GOLM2: variants seen among roughly 807,000 people sequenced by gnomAD.
GOLM2 encodes protein GOLM2.
In GOLM2, 26 loss-of-function variants were observed where a neutral mutation model predicts 55.9. The observed-to-expected ratio is 0.47, with a 90% CI of 0.34 to 0.65. GOLM2 has a LOEUF of 0.65. GOLM2 is among the 30% of genes least tolerant of loss of function. The pLI is 0.01. For synonymous variants in GOLM2, 165 were observed against 194.6 expected, an observed-to-expected ratio of 0.85 and a Z score of 1.27; for missense variants, 486 against 531.8, an observed-to-expected ratio of 0.91 and a Z score of 0.85.
At chr15:44,372,477 G>A (rs541765379) in intron 6 of GOLM2, among the ~76,000 whole-genome samples, 1 of 152,354 alleles carries the variant, frequency 6.6e-6, no homozygotes, top group African/African-American at 2.4e-5. Flanking sequence ...AAGCCTAAAA[G>A]AGAAGTAGAG....
intron 1 of GOLM2, among the ~76,000 whole-genome samples, chr15:44,299,477 G>A (rs1007380920): frequency 6.6e-5 from 10 of 151,926 alleles, no homozygotes; most frequent in Non-Finnish European, 1.2e-4. Context: ...ATTTTTGATA[G>A]AGACAGTGTT....
intron 1 of GOLM2, among the ~76,000 whole-genome samples, chr15:44,320,040 C>T (rs945941546): frequency 6.6e-6 from 1 of 152,154 alleles, no homozygotes; most frequent in Admixed American, 6.5e-5. Context: ...TTCATCACCC[C>T]CAAAAGAAAC....
chr15:44,309,420 G>T lies in GOLM2; in HGVS notation c.328-13545G>T, dbSNP rs2141118542. Reference sequence around the variant, plus strand: ...TAAGCATATCAAATCATCAAATTGTGTACCTTAAATATATACAATCTTTAA... The same window carrying T: ...TAAGCATATCAAATCATCAAATTGTTTACCTTAAATATATACAATCTTTAA... On this transcript the variant is annotated intron_variant, in intron 1 of 9. Coordinates refer to ENST00000299957, the MANE Select transcript of GOLM2 (RefSeq NM_138423.4). 3.3e-5 allele frequency among the ~76,000 whole-genome samples: 5 copies of T among 152,100 alleles called. 1 individual carries two copies. The Middle Eastern group carries it at 0.01, about 310-fold the overall frequency.
intron 1 of GOLM2, among the ~76,000 whole-genome samples, chr15:44,318,987 T>C (rs908555060): frequency 1.3e-5 from 2 of 152,190 alleles, no homozygotes; most frequent in African/African-American, 4.8e-5. Flanking sequence ...TCCCTACTTA[T>C]ACCTGGTTCC....
intron 6 of GOLM2, among the ~76,000 whole-genome samples, chr15:44,342,463 C>T (rs548907562): frequency 1.9e-3 from 292 of 152,044 alleles, no homozygotes; most frequent in African/African-American, 6.5e-3. Flanking sequence ...GACAGGGTGT[C>T]GTTATGTTAT....
intron 1 of GOLM2, among the ~76,000 whole-genome samples, chr15:44,297,805 TGATCCA>T (rs2078767757): frequency 6.6e-6 from 1 of 151,380 alleles, no homozygotes; most frequent in Non-Finnish European, 1.5e-5. Flanking sequence ...CCTGACCTCA[TGATCCA>T]CCCGCCTTGG....
intron 8 of GOLM2, among the ~76,000 whole-genome samples, chr15:44,392,834 A>G (rs1014147965): frequency 5.9e-5 from 9 of 152,336 alleles, no homozygotes; most frequent in Admixed American, 2.6e-4. Context: ...AAATTCATGC[A>G]TTTATGATAA....
At chr15:44,292,300 C>T (rs1237774029) in intron 1 of GOLM2, among the ~76,000 whole-genome samples, 1 of 151,156 alleles carries the variant, frequency 6.6e-6, no homozygotes, top group Non-Finnish European at 1.5e-5. Flanking sequence ...TGGGTTCACG[C>T]CATTCTCTGC....
intron 8 of GOLM2, among the ~76,000 whole-genome samples, chr15:44,388,121 C>G (rs2141200366): frequency 6.6e-6 from 1 of 151,070 alleles, no homozygotes; most frequent in Admixed American, 6.6e-5. Context: ...ACTAAAAATA[C>G]AAAAATTAGC....
chr15:44,336,302 A>G (rs1595632991), intron 4 of GOLM2, among the ~76,000 whole-genome samples: 1 of 151,490 alleles, frequency 6.6e-6, no homozygotes, highest in Non-Finnish European at 1.5e-5. Flanking sequence ...ATTTTTTAGT[A>G]GAGTCGGGGT....
chr15:44,400,342 G>C (rs1477222571), intron 8 of GOLM2, among the ~76,000 whole-genome samples: 2 of 151,306 alleles, frequency 1.3e-5, no homozygotes, highest in Non-Finnish European at 2.9e-5. Flanking sequence ...CTTTGAGACA[G>C]AGTTTGGCTT....
At chr15:44,344,478 A>T (rs1329480808) in intron 6 of GOLM2, among the ~76,000 whole-genome samples, 1 of 151,962 alleles carries the variant, frequency 6.6e-6, no homozygotes, top group Non-Finnish European at 1.5e-5. Context: ...TGATTTAATG[A>T]ATTACCTTCT....
At chr15:44,354,381 A>G (rs1159451093) in intron 6 of GOLM2, among the ~76,000 whole-genome samples, 2 of 152,012 alleles carry the variant, frequency 1.3e-5, no homozygotes, top group East Asian at 1.9e-4. Context: ...GCACACCAAC[A>G]TGGCACATGT....
At chr15:44,384,209 C>T (rs577581175) in intron 8 of GOLM2, among the ~76,000 whole-genome samples, 2 of 152,260 alleles carry the variant, frequency 1.3e-5, no homozygotes, top group African/African-American at 4.8e-5. Flanking sequence ...AGAATATTTT[C>T]ATCACCCTGA....
intron 6 of GOLM2, among the ~76,000 whole-genome samples, chr15:44,342,794 A>G (rs992614427): frequency 2.0e-5 from 3 of 152,232 alleles, no homozygotes; most frequent in African/African-American, 7.2e-5. Context: ...CCTTGCATAT[A>G]GCAGGGTCCC....
At chr15:44,372,327 C>T (rs554003188) in intron 6 of GOLM2, among the ~76,000 whole-genome samples, 1 of 152,224 alleles carries the variant, frequency 6.6e-6, no homozygotes, top group South Asian at 2.1e-4. Context: ...GCCATAGGCA[C>T]TGGATCATGA....
intron 2 of GOLM2, among the ~76,000 whole-genome samples, chr15:44,327,210 C>T (rs1023124311): frequency 1.3e-5 from 2 of 151,664 alleles, no homozygotes. Context: ...CTCCACCTCC[C>T]AAAGTGTTGG....
At chr15:44,408,865 G>A (rs907008864) in intron 9 of GOLM2, among the ~76,000 whole-genome samples, 6 of 152,216 alleles carry the variant, frequency 3.9e-5, no homozygotes, top group African/African-American at 1.4e-4. Flanking sequence ...TGGGGAGCCT[G>A]AGGCAGGAGA....
intron 6 of GOLM2, among the ~76,000 whole-genome samples, chr15:44,340,796 T>A (rs1428975057): frequency 6.6e-6 from 1 of 152,200 alleles, no homozygotes; most frequent in Non-Finnish European, 1.5e-5. Context: ...AACTCTGTAT[T>A]CTTCCAAATT....
Sources: gnomAD v4.1 joint callset for allele counts (sites outside exome capture counted in the v4.1 genomes callset) on GRCh38, gnomAD v4.1.1 for gene constraint, MANE v1.5 for transcripts, NCBI Gene and HGNC (gene_info 2026-07-23, HGNC 2026-07-21) for gene names.